SLC26A6: variants seen among roughly 807,000 people sequenced by gnomAD.
SLC26A6 encodes anion exchange transporter.
A neutral mutation model predicts 87.1 loss-of-function variants in SLC26A6; 67 were observed. The observed-to-expected ratio is 0.77, with a 90% CI of 0.63 to 0.94. The LOEUF is 0.94. Among genes scored for constraint, SLC26A6 ranks in the 40% least tolerant of loss-of-function variants. SLC26A6 has a pLI of 0.00. For missense variants in SLC26A6, 902 were observed against 973.0 expected (o/e 0.93, Z 0.97); for synonymous variants, 414 against 405.9 (o/e 1.02, Z -0.24).
At chr3:48,630,287 C>T in intron 11 of SLC26A6, 130 bp from the exon 12 acceptor site, 1 of 1,313,448 alleles carries the variant, frequency 7.6e-7, no homozygotes, top group Non-Finnish European at 1.1e-6. Flanking sequence ...CACCCAGCCC[C>T]TGACCCTTGT....
At chr3:48,627,343 T>C in intron 17 of SLC26A6, 1 of 404,116 alleles carries the variant, frequency 2.5e-6, no homozygotes, top group Non-Finnish European at 4.4e-6. Context: ...CAGCCAGGGC[T>C]GAGTGGGGAG....
rs1481863088 is a variant in SLC26A6 at position 48,629,674 on chromosome 3, C to A, written c.1567G>T (p.Asp523Tyr). The A allele has an allele frequency of 6.2e-7, 1 of 1,613,498 alleles. No homozygotes were observed. Among genetic ancestry groups the A allele is most frequent in the African/African-American group, 1.3e-5 (1 of 75,026 alleles). The change falls in exon 14 of 21, where the codon GAT becomes TAT. Residue 523 changes from aspartate to tyrosine, a missense_variant. Coordinates refer to ENST00000395550, the MANE Select transcript of SLC26A6 (RefSeq NM_022911.3). ...YSVLGQVPDT[D>Y]IYRDVAEYSE... ...TACTCTGCCACATCTCTGTAAATAT[C>A]CGTGTCTGGCACCTGCCCCAGGACA...
rs1331791361 is a variant in SLC26A6 at position 48,633,302 on chromosome 3, G to T, written c.271C>A (p.Leu91Met). ...CTCAGGCCGGATAACAGGTCACCCAGGAGCCAGTCACGCACAGGATACCGG... is the reference window on the plus strand; with the variant it reads ...CTCAGGCCGGATAACAGGTCACCCATGAGCCAGTCACGCACAGGATACCGG... ...LPRYPVRDWLLGDLLSGLSVA... is the reference protein window; with the variant it reads ...LPRYPVRDWLMGDLLSGLSVA... The change falls in exon 3 of 21, where the codon CTG (leucine) becomes ATG (methionine). Residue 91 changes from leucine (L) to methionine (M), a missense_variant. Coordinates refer to ENST00000395550, the MANE Select transcript of SLC26A6 (RefSeq NM_022911.3). 3 of 1,613,602 alleles carry T rather than the reference G, an allele frequency of 1.9e-6. No individual in the cohort carries two copies. The highest frequency in any genetic ancestry group is 2.5e-6 in the Non-Finnish European group (3 of 1,180,010).
chr3:48,627,096 G>A lies in SLC26A6; in HGVS notation c.1894-41C>T, dbSNP rs60028595. 30,003 of 1,595,880 alleles carry A rather than the reference G, an allele frequency of 0.019. 3,050 individuals are homozygous for A. The African/African-American group carries it at 0.27, about 15-fold the overall frequency. On this transcript the variant is annotated intron_variant, in intron 17 of 20. Transcript: ENST00000395550. ...TGCTGCCAGGGCCACCCATGAGAGA[G>A]TGAAGGCAGGACTGGCCGCACACAG...
rs781241710 is a variant in SLC26A6 at position 48,633,300 on chromosome 3, C to T, written c.273G>A (p.Leu91=). Residue 91 remains leucine, a synonymous_variant, in exon 3 of 21, where the codon CTG becomes CTA. Coordinates refer to ENST00000395550, the MANE Select transcript of SLC26A6 (RefSeq NM_022911.3). ...LPRYPVRDWL[L]GDLLSGLSVA... ...CACTCAGGCCGGATAACAGGTCACC[C>T]AGGAGCCAGTCACGCACAGGATACC... The T allele has an allele frequency of 2.5e-6, 4 of 1,613,530 alleles. No individual in the cohort carries two copies. The highest frequency in any genetic ancestry group is 3.4e-6 in the Non-Finnish European group (4 of 1,180,006).
chr3:48,627,114 GCACA>G, intron 17 of SLC26A6, 59 bp from the exon 18 acceptor site: 3 of 1,568,320 alleles, frequency 1.9e-6, no homozygotes, highest in Non-Finnish European at 2.6e-6. Context: ...AGGACTGGCC[GCACA>G]CAGACACGCG....
rs773810962 is a variant in SLC26A6 at position 48,635,433 on chromosome 3, G to C, written c.-40C>G. ...CCGGTGCGGGCTGCTCCTGCTGCTC[G>C]AGCTAGAGGCCGCTACGCTCCGGAA... On this transcript the variant is annotated 5_prime_UTR_variant, in exon 1 of 21. Transcript: ENST00000395550. 22 of 1,563,112 alleles carry C rather than the reference G, an allele frequency of 1.4e-5. No individual in the cohort carries two copies. The highest frequency in any genetic ancestry group is 1.1e-4 in the African/African-American group (8 of 73,520).
In SLC26A6 at chr3:48,628,670, G is replaced by C; in HGVS notation, c.1644C>G (p.Thr548=). The part of the protein sequence containing the change: ...RGVKVFRSSA[T]VYFANAEFYS... Reference sequence around the variant, plus strand: ...AGAACTCAGCATTGGCAAAGTACACGGTGGCCGAGGAGCGGAAGACCTTCA... The same window carrying C: ...AGAACTCAGCATTGGCAAAGTACACCGTGGCCGAGGAGCGGAAGACCTTCA... The change falls in exon 15 of 21, where the codon ACC becomes ACG. Residue 548 remains threonine, a synonymous_variant. Coordinates refer to ENST00000395550, the MANE Select transcript of SLC26A6 (RefSeq NM_022911.3). This position sits in a 1 kb window ranked among gnomAD's most constrained non-coding sequence, Gnocchi z 4.4. 2 of 1,613,562 alleles carry C rather than the reference G, an allele frequency of 1.2e-6. No individual in the cohort carries two copies. Among genetic ancestry groups the C allele is most frequent in the Non-Finnish European group, 1.7e-6 (2 of 1,179,872 alleles).
At position 48,631,235 on chromosome 3, in the gene SLC26A6, G is replaced by A. The variant is rs1458860812; in HGVS notation, c.975C>T (p.Asn325=). Residue 325 remains asparagine (N), a synonymous_variant, in exon 8 of 21, where the codon AAC becomes AAT. Coordinates refer to ENST00000395550, the MANE Select transcript of SLC26A6 (RefSeq NM_022911.3). ...AGGCCAGAGCTCACCCTGCAGGGAT[G>A]TTGCCCACGACATCTACCTCAAATC... ...KHRFEVDVVG[N]IPAGLVPPVA... 1 of 1,611,220 alleles carries A rather than the reference G, an allele frequency of 6.2e-7. No homozygotes were observed. Among genetic ancestry groups the A allele is most frequent in the Non-Finnish European group, 8.5e-7 (1 of 1,178,246 alleles).
Position 48,628,649 on chromosome 3 carries a change from C to T in SLC26A6, c.1665G>A (p.Glu555=), listed in dbSNP as rs1346062820. The T allele has an allele frequency of 1.9e-6, 3 of 1,613,666 alleles. No homozygotes were observed. The African/African-American group carries it at 4.0e-5, about 22-fold the overall frequency. Residue 555 remains glutamate (E), a synonymous_variant, in exon 15 of 21, where the codon GAG becomes GAA. Coordinates refer to ENST00000395550, the MANE Select transcript of SLC26A6 (RefSeq NM_022911.3). The surrounding 1 kb of genome is among the most constrained non-coding windows in gnomAD (Gnocchi z 4.4). ...SSATVYFANA[E]FYSDALKQRC... ...TCTGCTTCAGCGCATCACTGTAGAACTCAGCATTGGCAAAGTACACGGTGG... is the reference window on the plus strand; with the variant it reads ...TCTGCTTCAGCGCATCACTGTAGAATTCAGCATTGGCAAAGTACACGGTGG...
chr3:48,633,346 G>C lies in SLC26A6; in HGVS notation c.227C>G (p.Pro76Arg). Residue 76 changes from proline to arginine, a missense_variant, in exon 3 of 21, where the codon CCG (proline) becomes CGG (arginine). By Grantham distance (103) the Pro-to-Arg change is moderately radical. This residue lies in a region of SLC26A6 where 800 missense variants were observed against 856.8 expected (regional missense o/e 0.93). Coordinates refer to ENST00000395550, the MANE Select transcript of SLC26A6 (RefSeq NM_022911.3). The stretch of plus-strand genomic sequence containing the variant: ...ATACCGGGGTAACCAGACCAAAACC[G>C]GGAGGTGTTGGAGCAGAAGGGCATA... ...RAYALLLQHL[P>R]VLVWLPRYPV... is the part of the protein sequence containing the mutation. The C allele has an allele frequency of 6.2e-7, 1 of 1,613,554 alleles. No homozygotes were observed.
At chr3:48,634,518 G>T (rs1393214244) in intron 1 of SLC26A6, among the ~76,000 whole-genome samples, 1 of 152,204 alleles carries the variant, frequency 6.6e-6, no homozygotes, top group Non-Finnish European at 1.5e-5. Flanking sequence ...GTTCTCACCT[G>T]GGGGGTACTC....
Position 48,625,937 on chromosome 3 carries a change from G to A in SLC26A6, c.*49C>T. ...GGCCTAGGGGTGAGGGGCTTCTCAA[G>A]GGTGCCCTGCACCTCCAGAGGTGCA... On this transcript the variant is annotated 3_prime_UTR_variant, in exon 21 of 21. Coordinates refer to ENST00000395550, the MANE Select transcript of SLC26A6 (RefSeq NM_022911.3). The surrounding 1 kb of genome is among the most constrained non-coding windows in gnomAD (Gnocchi z 4.7). The A allele has an allele frequency of 6.2e-7, 1 of 1,612,946 alleles. No homozygotes were observed. The highest frequency in any genetic ancestry group is 8.5e-7 in the Non-Finnish European group (1 of 1,179,624).
At chr3:48,634,858 G>T in intron 1 of SLC26A6, 1 of 627,674 alleles carries the variant, frequency 1.6e-6, no homozygotes, top group Non-Finnish European at 2.0e-6. Flanking sequence ...TCCTACGTGA[G>T]TCACTCAGGT....
At chr3:48,630,939 TGCTG>T in intron 9 of SLC26A6, 50 bp downstream of exon 9, 1 of 1,599,496 alleles carries the variant, frequency 6.3e-7, no homozygotes, top group Non-Finnish European at 8.5e-7. Flanking sequence ...CCCCACCCGT[TGCTG>T]GCGCCTCCAT....
At position 48,632,291 on chromosome 3, in the gene SLC26A6, C is replaced by T. The variant is rs202225958; in HGVS notation, c.539G>A (p.Arg180Gln). Residue 180 changes from arginine (R) to glutamine (Q), a missense_variant, in exon 5 of 21, where the codon CGG becomes CAG. Arg to Gln is a conservative substitution (Grantham distance 43, BLOSUM62 1). This residue lies in a region of SLC26A6 where 800 missense variants were observed against 856.8 expected (regional missense o/e 0.93). Coordinates refer to ENST00000395550, the MANE Select transcript of SLC26A6 (RefSeq NM_022911.3). ...ACTGAGTGTGGAGGCCACCTGTACC[C>T]GGGCAGCATCTCTGGCTGTCTCATT... ...MINETARDAA[R>Q]VQVASTLSVL... 1,481 of 1,612,640 alleles carry T rather than the reference C, an allele frequency of 9.2e-4. 1 individual carries two copies. Among genetic ancestry groups the T allele is most frequent in the Non-Finnish European group, 1.2e-3 (1,424 of 1,179,478 alleles).
In SLC26A6 at chr3:48,625,878, A is replaced by G; in HGVS notation, c.*108T>C. On this transcript the variant is annotated 3_prime_UTR_variant, in exon 21 of 21. Coordinates refer to ENST00000395550, the MANE Select transcript of SLC26A6 (RefSeq NM_022911.3). This position sits in a 1 kb window ranked among gnomAD's most constrained non-coding sequence, Gnocchi z 4.7. ...CTCCTTCCCTGAGTTGTGTGTGTGT[A>G]CATGGAGGGGACTCCTGGGTAGCAC... is the stretch of plus-strand genomic sequence containing the variant. The G allele has an allele frequency of 1.4e-6, 2 of 1,411,312 alleles. No homozygotes were observed. The highest frequency in any genetic ancestry group is 1.2e-5 in the South Asian group (1 of 83,330). The allele number at this position is 1,411,312 out of a possible 1,614,324, so 87.4% of individuals were successfully genotyped here. A position where few individuals can be genotyped will look rare whatever the true frequency, so the allele number is the denominator to read the frequency against.
At position 48,626,283 on chromosome 3, in the gene SLC26A6, A is replaced by T; in HGVS notation, c.2200T>A (p.Ser734Thr). ...ASITKKHLFA[S>T]VHDAVTFALQ... ...GCAAAGGTGACAGCATCATGGACAG[A>T]GGCAAAGAGATGCTTCTTGGTGATG... Residue 734 changes from serine (S) to threonine (T), a missense_variant, in exon 20 of 21, where the codon TCT becomes ACT. By Grantham distance (58) the Ser-to-Thr change is moderately conservative. Around this residue, in one of 3 missense-constraint regions of SLC26A6, gnomAD observed 99 missense variants for 100.1 expected, o/e 0.99. Transcript: ENST00000395550. 1 of 1,614,028 alleles carries T rather than the reference A, an allele frequency of 6.2e-7. No homozygotes were observed.
intron 19 of SLC26A6, 85 bp from the exon 20 acceptor site, chr3:48,626,439 T>A: frequency 6.3e-7 from 1 of 1,592,800 alleles, no homozygotes; most frequent in Non-Finnish European, 8.6e-7. Context: ...CCTGACCTCA[T>A]CACCCCTGAC....
Sources: allele counts gnomAD v4.1 joint callset (sites outside exome capture counted in the v4.1 genomes callset), GRCh38; gene constraint gnomAD v4.1.1; regional missense constraint gnomAD v4.1.1; non-coding constraint Gnocchi (gnomAD v3.1); transcripts MANE v1.5; gene names NCBI Gene and HGNC (gene_info 2026-07-23, HGNC 2026-07-21).